CADM2: variants seen among roughly 807,000 people sequenced by gnomAD.
The protein encoded by CADM2 is cell adhesion molecule 2.
A neutral mutation model predicts 49.8 loss-of-function variants in CADM2; 12 were observed. The ratio of observed to expected loss-of-function variants is 0.24; its 90% CI spans 0.15 to 0.39. CADM2 has a LOEUF of 0.39. Among genes scored for constraint, CADM2 ranks in the 10% least tolerant of loss-of-function variants. The pLI, the probability that CADM2 is intolerant of heterozygous loss-of-function variation, is 1.00. For synonymous variants in CADM2, 214 were observed against 175.4 expected (o/e 1.22, Z -1.74); for missense variants, 378 against 492.3 (o/e 0.77, Z 2.20).
intron 1 of CADM2, among the ~76,000 whole-genome samples, chr3:85,447,238 T>C (rs2037512612): frequency 1.3e-5 from 2 of 151,544 alleles, no homozygotes; most frequent in Non-Finnish European, 2.9e-5. Flanking sequence ...CTAGAAACTG[T>C]TGGGTGACTT....
intron 1 of CADM2, among the ~76,000 whole-genome samples, chr3:85,560,654 A>T (rs1306029852): frequency 6.6e-6 from 1 of 152,186 alleles, no homozygotes; most frequent in East Asian, 1.9e-4. Flanking sequence ...CCGTTTTTTC[A>T]CAATGAAGCA....
At chr3:85,575,272 C>G (rs2107265676) in intron 1 of CADM2, among the ~76,000 whole-genome samples, 1 of 152,306 alleles carries the variant, frequency 6.6e-6, no homozygotes. Flanking sequence ...AATGATTGGG[C>G]TGGGCGCAGT....
chr3:85,862,805 G>A (rs1418563013), intron 3 of CADM2, among the ~76,000 whole-genome samples: 1 of 152,162 alleles, frequency 6.6e-6, no homozygotes, highest in African/African-American at 2.4e-5. Context: ...GCAGTGATAG[G>A]TGGTGAATTT....
chr3:85,099,192 T>C (rs1381347941), intron 1 of CADM2, among the ~76,000 whole-genome samples: 1 of 152,230 alleles, frequency 6.6e-6, no homozygotes, highest in African/African-American at 2.4e-5. Flanking sequence ...GACAACATAA[T>C]ACATTTTTCC....
intron 1 of CADM2, among the ~76,000 whole-genome samples, chr3:85,394,491 G>A (rs2034672663): frequency 6.6e-6 from 1 of 152,134 alleles, no homozygotes; most frequent in African/African-American, 2.4e-5. Context: ...ATTTTATTTA[G>A]TTTTACATGT....
intron 8 of CADM2, among the ~76,000 whole-genome samples, chr3:85,987,418 A>T (rs1277305639): frequency 6.6e-6 from 1 of 151,614 alleles, no homozygotes; most frequent in African/African-American, 2.4e-5. Flanking sequence ...ATATATTTTC[A>T]CTGCTCTACA....
At chr3:84,979,778 A>C (rs2032055584) in intron 1 of CADM2, among the ~76,000 whole-genome samples, 1 of 152,122 alleles carries the variant, frequency 6.6e-6, no homozygotes, top group Admixed American at 6.5e-5. Flanking sequence ...CTCCTAGGCT[A>C]TAAAATTAAA....
chr3:85,802,233 C>A, intron 3 of CADM2, 37 bp downstream of exon 3: 2 of 1,529,056 alleles, frequency 1.3e-6, no homozygotes, highest in Non-Finnish European at 1.8e-6. Flanking sequence ...TAATCGTATT[C>A]TAAAATATCC....
At chr3:84,965,221 G>A (rs1435815811) in intron 1 of CADM2, among the ~76,000 whole-genome samples, 2 of 152,156 alleles carry the variant, frequency 1.3e-5, no homozygotes, top group Non-Finnish European at 2.9e-5. Context: ...TATCAAGAAA[G>A]GCATCTTCTG....
intron 1 of CADM2, among the ~76,000 whole-genome samples, chr3:85,399,571 A>G (rs2034984610): frequency 6.6e-6 from 1 of 152,180 alleles, no homozygotes; most frequent in Non-Finnish European, 1.5e-5. Flanking sequence ...CTTGGGCAGT[A>G]TGGCCATTTT....
intron 1 of CADM2, among the ~76,000 whole-genome samples, chr3:85,041,870 C>T (rs897995100): frequency 9.9e-5 from 15 of 152,036 alleles, no homozygotes; most frequent in African/African-American, 3.1e-4. Flanking sequence ...TGGAAAGTGT[C>T]AGAATGTAAA....
chr3:85,403,475 CA>C (rs1207018355), intron 1 of CADM2, among the ~76,000 whole-genome samples: 28 of 151,980 alleles, frequency 1.8e-4, no homozygotes, highest in African/African-American at 6.5e-4. Context: ...GGAAAACAAA[CA>C]AACAAAAAAG....
intron 1 of CADM2, among the ~76,000 whole-genome samples, chr3:85,575,522 G>A (rs1258820655): frequency 6.6e-6 from 1 of 152,192 alleles, no homozygotes; most frequent in African/African-American, 2.4e-5. Flanking sequence ...CTGCACTCCA[G>A]CCTGGGCGAC....
At chr3:85,057,723 T>C (rs1199218728) in intron 1 of CADM2, among the ~76,000 whole-genome samples, 2 of 152,160 alleles carry the variant, frequency 1.3e-5, no homozygotes, top group African/African-American at 2.4e-5. Flanking sequence ...CAAACTAGAA[T>C]AAAGCAGTTT....
chr3:85,999,283 C>T (rs1729847497), intron 8 of CADM2, among the ~76,000 whole-genome samples: 1 of 150,008 alleles, frequency 6.7e-6, no homozygotes, highest in Non-Finnish European at 1.5e-5. Flanking sequence ...GGGGGTGGAT[C>T]ACTTGAGTTC....
intron 8 of CADM2, among the ~76,000 whole-genome samples, chr3:86,032,503 A>G (rs934377910): frequency 6.6e-6 from 1 of 151,934 alleles, no homozygotes; most frequent in African/African-American, 2.4e-5. Context: ...GATGTGTCAT[A>G]TGTAGTTATA....
At chr3:85,585,603 C>G (rs533354984) in intron 1 of CADM2, among the ~76,000 whole-genome samples, 76 of 151,948 alleles carry the variant, frequency 5.0e-4, no homozygotes, top group Admixed American at 7.2e-4. Flanking sequence ...TAGGCATCCA[C>G]TGACGATCTT....
chr3:85,541,570 A>T lies in CADM2; in HGVS notation c.62-184952A>T, dbSNP rs147172703. Among the ~76,000 whole-genome samples, 371 of 150,652 alleles carry T rather than the reference A, an allele frequency of 2.5e-3. 4 individuals carry two copies. The highest frequency in any genetic ancestry group is 8.6e-3 in the African/African-American group (356 of 41,164). On this transcript the variant is annotated intron_variant, in intron 1 of 9. Transcript: ENST00000383699. ...ATGCCACACTTCAGAGAAAGGCTGA[A>T]TAGGTTCAAATCTTGGGTCCACTCA...
At chr3:85,115,558 A>T (rs905997210) in intron 1 of CADM2, among the ~76,000 whole-genome samples, 3 of 152,186 alleles carry the variant, frequency 2.0e-5, no homozygotes, top group Non-Finnish European at 2.9e-5. Context: ...TAGGTTCAAG[A>T]CCCAAGATAA....
Sources: gnomAD v4.1 joint callset for allele counts (sites outside exome capture counted in the v4.1 genomes callset) on GRCh38, gnomAD v4.1.1 for gene constraint, MANE v1.5 for transcripts, NCBI Gene and HGNC (gene_info 2026-07-23, HGNC 2026-07-21) for gene names.